Variants in FCHSD2 observed in about 807,000 individuals in gnomAD.
The protein encoded by FCHSD2 is FCH and double SH3 domains 2.
A neutral mutation model predicts 108.1 loss-of-function variants in FCHSD2; 38 were observed. The ratio of observed to expected loss-of-function variants is 0.35; its 90% CI spans 0.27 to 0.46. The LOEUF (loss-of-function observed/expected upper bound fraction) is 0.46. Ranked by LOEUF, FCHSD2 falls within the 20% of genes least tolerant of loss-of-function variation. The pLI is 1.00. For missense variants in FCHSD2, 751 were observed against 897.8 expected, an observed-to-expected ratio of 0.84 and a Z score of 2.09; for synonymous variants, 279 against 314.7, an observed-to-expected ratio of 0.89 and a Z score of 1.20.
intron 8 of FCHSD2, among the ~76,000 whole-genome samples, chr11:72,937,185 C>T (rs776229807): frequency 2.6e-5 from 4 of 152,086 alleles, no homozygotes; most frequent in African/African-American, 9.7e-5. Context: ...ACTCTTAAGG[C>T]TTTTGGGGAA....
intron 14 of FCHSD2, among the ~76,000 whole-genome samples, chr11:72,849,121 C>A (rs1278619235): frequency 2.6e-5 from 4 of 152,174 alleles, no homozygotes; most frequent in African/African-American, 4.8e-5. Flanking sequence ...GATTCTCTCT[C>A]CAGGACCTTC....
At chr11:73,083,314 G>C (rs1266898361) in intron 3 of FCHSD2, among the ~76,000 whole-genome samples, 1 of 152,144 alleles carries the variant, frequency 6.6e-6, no homozygotes, top group Non-Finnish European at 1.5e-5. Context: ...ACTTTGGGAG[G>C]CCAAGGCGGA....
At chr11:72,911,892 A>G (rs1855771935) in intron 9 of FCHSD2, among the ~76,000 whole-genome samples, 1 of 152,090 alleles carries the variant, frequency 6.6e-6, no homozygotes, top group African/African-American at 2.4e-5. Context: ...ATTCCTATGT[A>G]TTTTAATGTA....
At chr11:73,060,579 GACT>G (rs1485889816) in intron 3 of FCHSD2, among the ~76,000 whole-genome samples, 1 of 152,154 alleles carries the variant, frequency 6.6e-6, no homozygotes, top group Non-Finnish European at 1.5e-5. Context: ...ATCTAAGAAA[GACT>G]TTGCATGAAG....
At chr11:73,016,450 A>G (rs924908091) in intron 3 of FCHSD2, among the ~76,000 whole-genome samples, 2 of 152,214 alleles carry the variant, frequency 1.3e-5, no homozygotes, top group Admixed American at 1.3e-4. Context: ...GGTGAGTATA[A>G]GGATAAGAAA....
At chr11:73,140,531 A>G (rs1861221446) in intron 1 of FCHSD2, among the ~76,000 whole-genome samples, 1 of 152,160 alleles carries the variant, frequency 6.6e-6, no homozygotes, top group Non-Finnish European at 1.5e-5. Flanking sequence ...TGGGAGCCTA[A>G]GAGTGCCTGA....
At chr11:73,075,725 G>C (rs1049392444) in intron 3 of FCHSD2, among the ~76,000 whole-genome samples, 3 of 151,804 alleles carry the variant, frequency 2.0e-5, no homozygotes, top group Admixed American at 6.6e-5. Flanking sequence ...TGACGCATGA[G>C]AATTTCTTGA....
chr11:72,951,185 T>C (rs1336777087), intron 8 of FCHSD2, among the ~76,000 whole-genome samples: 1 of 152,192 alleles, frequency 6.6e-6, no homozygotes, highest in Non-Finnish European at 1.5e-5. Context: ...AACCACTGCA[T>C]TTTGGGTCTT....
At chr11:73,010,107 T>C (rs1270788804) in intron 4 of FCHSD2, among the ~76,000 whole-genome samples, 1 of 152,230 alleles carries the variant, frequency 6.6e-6, no homozygotes, top group African/African-American at 2.4e-5. Context: ...ATTTTTCTTC[T>C]TTTTGACTGC....
At chr11:73,031,494 G>A (rs762582831) in intron 3 of FCHSD2, among the ~76,000 whole-genome samples, 1 of 152,066 alleles carries the variant, frequency 6.6e-6, no homozygotes, top group African/African-American at 2.4e-5. Flanking sequence ...GAGACAGAGA[G>A]AGAATAAAGC....
intron 3 of FCHSD2, among the ~76,000 whole-genome samples, chr11:73,046,060 A>AATG (rs1337027489): frequency 6.7e-6 from 1 of 150,008 alleles, no homozygotes; most frequent in Non-Finnish European, 1.5e-5. Flanking sequence ...GCAGGATCAT[A>AATG]GCTCACTGCC....
intron 8 of FCHSD2, among the ~76,000 whole-genome samples, chr11:72,980,125 C>A (rs898235006): frequency 1.3e-4 from 20 of 152,142 alleles, no homozygotes; most frequent in African/African-American, 4.8e-4. Context: ...AGCTGTCTTC[C>A]AACGGTTTCT....
In FCHSD2 at chr11:73,105,619, A is replaced by T. The variant is rs545297143; in HGVS notation, c.120-21879T>A. On this transcript the variant is annotated intron_variant, in intron 2 of 19. Transcript: ENST00000409418. ...ACTAGGCAGTTCTGAAGATTAAGTA[A>T]AATAAATGGATATAAAAGTCCTTTG... 2.8e-3 allele frequency among the ~76,000 whole-genome samples: 434 copies of T among 152,316 alleles called. 3 individuals carry two copies. The highest frequency in any genetic ancestry group is 9.9e-3 in the African/African-American group (411 of 41,580).
intron 9 of FCHSD2, among the ~76,000 whole-genome samples, chr11:72,904,411 G>A (rs1172830411): frequency 3.3e-5 from 5 of 152,080 alleles, no homozygotes; most frequent in African/African-American, 7.2e-5. Flanking sequence ...CTTTGTTATG[G>A]AAAATTTCAA....
chr11:72,909,886 A>G (rs1393954378), intron 9 of FCHSD2, among the ~76,000 whole-genome samples: 19 of 122,428 alleles, frequency 1.6e-4, no homozygotes, highest in African/African-American at 6.0e-4. Flanking sequence ...CAGCCGCCCC[A>G]TCTGGGAAGT....
chr11:72,971,890 T>C (rs1436358098), intron 8 of FCHSD2, among the ~76,000 whole-genome samples: 1 of 152,178 alleles, frequency 6.6e-6, no homozygotes, highest in Non-Finnish European at 1.5e-5. Context: ...AAATCAAATA[T>C]AACTGCAAAG....
intron 9 of FCHSD2, among the ~76,000 whole-genome samples, chr11:72,910,677 C>T (rs1378157793): frequency 6.6e-6 from 1 of 152,072 alleles, no homozygotes; most frequent in Non-Finnish European, 1.5e-5. Flanking sequence ...CCCAGGGATA[C>T]AAACACTGCG....
chr11:72,887,975 G>C (rs1855233805), intron 11 of FCHSD2, among the ~76,000 whole-genome samples: 1 of 152,224 alleles, frequency 6.6e-6, no homozygotes, highest in South Asian at 2.1e-4. Flanking sequence ...ATAGTGAAAA[G>C]AAGATGTCAA....
At chr11:72,997,015 G>A (rs1201064631) in intron 5 of FCHSD2, among the ~76,000 whole-genome samples, 2 of 152,134 alleles carry the variant, frequency 1.3e-5, no homozygotes, top group African/African-American at 2.4e-5. Flanking sequence ...CAAAAGAACA[G>A]GAACTTGAGA....
Sources: allele counts gnomAD v4.1 joint callset (sites outside exome capture counted in the v4.1 genomes callset), GRCh38; gene constraint gnomAD v4.1.1; transcripts MANE v1.5; gene names NCBI Gene and HGNC (gene_info 2026-07-23, HGNC 2026-07-21).